DOCK2: variants seen among roughly 807,000 people sequenced by gnomAD.
The protein encoded by DOCK2 is dedicator of cytokinesis 2, also known as dedicator of cytokinesis protein 2.
In DOCK2, 87 loss-of-function variants were observed where a neutral mutation model predicts 248.9. That is an observed-to-expected ratio of 0.35 (90% CI 0.29 to 0.42). The LOEUF is 0.42. Among genes scored for constraint, DOCK2 ranks in the 10% least tolerant of loss-of-function variants. The pLI is 1.00. For synonymous variants in DOCK2, 805 were observed against 821.6 expected, an observed-to-expected ratio of 0.98 and a Z score of 0.35; for missense variants, 1,747 against 2,300.2, an observed-to-expected ratio of 0.76 and a Z score of 4.92.
At chr5:169,677,020 T>G (rs1041467837) in intron 6 of DOCK2, among the ~76,000 whole-genome samples, 4 of 152,186 alleles carry the variant, frequency 2.6e-5, no homozygotes, top group African/African-American at 9.7e-5. Flanking sequence ...GTAGGCACTA[T>G]TCTCACCCTG....
At chr5:169,932,345 TA>T (rs2113684915) in intron 27 of DOCK2, among the ~76,000 whole-genome samples, 1 of 152,180 alleles carries the variant, frequency 6.6e-6, no homozygotes, top group South Asian at 2.1e-4. Flanking sequence ...TGGTTGGAAC[TA>T]TACCCGCTGC....
intron 25 of DOCK2, among the ~76,000 whole-genome samples, chr5:169,778,737 G>A (rs1323559818): frequency 6.6e-6 from 1 of 152,236 alleles, no homozygotes; most frequent in Non-Finnish European, 1.5e-5. Flanking sequence ...GCTGCCCAGA[G>A]ATAGTCAAAT....
At chr5:170,025,794 T>TCCTTCCCTC (rs1561886452) in intron 33 of DOCK2, among the ~76,000 whole-genome samples, 1 of 44,962 alleles carries the variant, frequency 2.2e-5, no homozygotes, top group Non-Finnish European at 4.5e-5. Flanking sequence ...TTCCCTCCCT[T>TCCTTCCCTC]CCTTCCTTCC....
At chr5:169,698,528 C>T (rs1561611396) in intron 11 of DOCK2, 79 bp downstream of exon 11, 1 of 1,491,142 alleles carries the variant, frequency 6.7e-7, no homozygotes, top group Non-Finnish European at 9.3e-7. Context: ...CAGAGGGTAC[C>T]AGTTCCCTGA....
chr5:169,855,916 G>C (rs1490844520), intron 27 of DOCK2, among the ~76,000 whole-genome samples: 1 of 152,184 alleles, frequency 6.6e-6, no homozygotes, highest in Non-Finnish European at 1.5e-5. Context: ...AGTTCCATGT[G>C]GCTGGGGAGG....
intron 26 of DOCK2, among the ~76,000 whole-genome samples, chr5:169,836,737 A>T (rs1357183579): frequency 6.6e-6 from 1 of 152,198 alleles, no homozygotes; most frequent in African/African-American, 2.4e-5. Flanking sequence ...CCTCTTTGTT[A>T]GAAAAGGTGT....
intron 25 of DOCK2, among the ~76,000 whole-genome samples, chr5:169,790,135 T>A (rs1291656161): frequency 6.6e-6 from 1 of 152,206 alleles, no homozygotes; most frequent in African/African-American, 2.4e-5. Context: ...GAATCCAGGA[T>A]AATTTTCTCA....
chr5:169,646,561 T>C (rs1485283538), intron 1 of DOCK2, among the ~76,000 whole-genome samples: 2 of 152,198 alleles, frequency 1.3e-5, no homozygotes, highest in East Asian at 1.9e-4. Flanking sequence ...CAGAGCTGTA[T>C]GGAGGGTTAA....
At chr5:169,899,563 TG>T (rs1267692163) in intron 27 of DOCK2, among the ~76,000 whole-genome samples, 1 of 152,198 alleles carries the variant, frequency 6.6e-6, no homozygotes, top group Non-Finnish European at 1.5e-5. Context: ...TATAAATGTT[TG>T]TGCAGAGCTG....
At chr5:169,891,002 T>C (rs1256159921) in intron 27 of DOCK2, among the ~76,000 whole-genome samples, 5 of 152,180 alleles carry the variant, frequency 3.3e-5, no homozygotes, top group Non-Finnish European at 7.3e-5. Flanking sequence ...TCCAAACTAG[T>C]TCCATAACTT....
intron 27 of DOCK2, among the ~76,000 whole-genome samples, chr5:169,911,000 G>A (rs890556643): frequency 1.1e-4 from 17 of 152,162 alleles, no homozygotes; most frequent in African/African-American, 3.9e-4. Flanking sequence ...ACCCTCAGGT[G>A]CCTCCAAGGC....
At chr5:169,993,234 A>G (rs183613079) in intron 29 of DOCK2, among the ~76,000 whole-genome samples, 1 of 152,342 alleles carries the variant, frequency 6.6e-6, no homozygotes, top group East Asian at 1.9e-4. Flanking sequence ...AACAAAACCA[A>G]AGAAATCTCA....
intron 27 of DOCK2, among the ~76,000 whole-genome samples, chr5:169,936,376 T>C (rs112920026): frequency 3.3e-5 from 5 of 152,144 alleles, no homozygotes; most frequent in South Asian, 2.1e-4. Context: ...TCTGAACTTA[T>C]CTGGCCATTT....
At chr5:169,699,820 C>G (rs1403608776) in intron 12 of DOCK2, among the ~76,000 whole-genome samples, 194 bp from the exon 13 acceptor site, 1 of 152,236 alleles carries the variant, frequency 6.6e-6, no homozygotes, top group Non-Finnish European at 1.5e-5. Context: ...GCTGACACCG[C>G]TAGAAATCAT....
At chr5:169,688,708 A>T (rs77333619) in intron 8 of DOCK2, among the ~76,000 whole-genome samples, 3,329 of 152,268 alleles carry the variant, frequency 0.022, 63 homozygotes, top group East Asian at 0.072. Context: ...TAGTGTTACA[A>T]TGGCATTTAA....
At chr5:169,910,882 G>C (rs1170111556) in intron 27 of DOCK2, among the ~76,000 whole-genome samples, 2 of 152,166 alleles carry the variant, frequency 1.3e-5, no homozygotes. Context: ...CTCCTGCAGG[G>C]GGTTGGTTAA....
At position 169,671,118 on chromosome 5, in the gene DOCK2, C is replaced by G; in HGVS notation, c.265C>G (p.Gln89Glu). Reference protein sequence around the residue: ...NIIPAEIPLAQEVTTTLWEWG... With the variant: ...NIIPAEIPLAEEVTTTLWEWG... ...CATTCCTGCAGAAATTCCTCTGGCA[C>G]AAGAAGTGACAACGACACTTTGGGA... Residue 89 changes from glutamine to glutamate, a missense_variant, in exon 5 of 52, where the codon CAA becomes GAA. Physicochemically the swap from Gln to Glu is conservative, Grantham distance 29 (BLOSUM62 2). This residue lies in a region of DOCK2 where 375 missense variants were observed against 510.9 expected (regional missense o/e 0.73). Transcript: ENST00000520908. The G allele has an allele frequency of 6.2e-7, 1 of 1,614,030 alleles. No individual in the cohort carries two copies. The highest frequency in any genetic ancestry group is 8.5e-7 in the Non-Finnish European group (1 of 1,179,970).
chr5:170,054,328 G>A (rs546078436), intron 41 of DOCK2, among the ~76,000 whole-genome samples: 2 of 152,162 alleles, frequency 1.3e-5, no homozygotes, highest in African/African-American at 4.8e-5. Context: ...AATAAAAGAC[G>A]TGGGTAAAGA....
At chr5:169,755,146 A>G (rs1350653723) in intron 23 of DOCK2, among the ~76,000 whole-genome samples, 5 of 151,730 alleles carry the variant, frequency 3.3e-5, no homozygotes, top group Non-Finnish European at 7.4e-5. Context: ...AAGTCTTGCC[A>G]TGTTGCTTAG....
Sources: gnomAD v4.1 joint callset for allele counts (sites outside exome capture counted in the v4.1 genomes callset) on GRCh38, gnomAD v4.1.1 for gene constraint, gnomAD v4.1.1 regional missense constraint, MANE v1.5 for transcripts, NCBI Gene and HGNC (gene_info 2026-07-23, HGNC 2026-07-21) for gene names.